The following RNF182 variants were observed in gnomAD, a reference collection of about 807,000 sequenced individuals.
RNF182 encodes the protein ring finger protein 182.
A neutral mutation model predicts 14.4 loss-of-function variants in RNF182; 15 were observed. That is an observed-to-expected ratio of 1.04 (90% CI 0.70 to 1.60). RNF182 has a LOEUF of 1.60. Ranked by LOEUF, RNF182 falls within the 40% of genes most tolerant of loss-of-function variation. The pLI, the probability that RNF182 is intolerant of heterozygous loss-of-function variation, is 0.00. For synonymous variants in RNF182, 128 were observed against 122.9 expected (o/e 1.04, Z -0.27); for missense variants, 268 against 294.8 (o/e 0.91, Z 0.67).
intron 1 of RNF182, among the ~76,000 whole-genome samples, chr6:13,927,973 A>G (rs1391704549): frequency 6.6e-6 from 1 of 152,252 alleles, no homozygotes; most frequent in Non-Finnish European, 1.5e-5. Flanking sequence ...TGCTGTGCAC[A>G]GTGGGTATTT....
chr6:13,964,131 G>T (rs1759953101), intron 1 of RNF182, among the ~76,000 whole-genome samples: 1 of 151,846 alleles, frequency 6.6e-6, no homozygotes, highest in Non-Finnish European at 1.5e-5. Flanking sequence ...AGAAATACAG[G>T]TCTTTGAATT....
At position 13,978,037 on chromosome 6, in the gene RNF182, C is replaced by A; in HGVS notation, c.*174C>A. The A allele has an allele frequency of 1.3e-6, 1 of 752,272 alleles. No homozygotes were observed. The highest frequency in any genetic ancestry group is 2.1e-6 in the Non-Finnish European group (1 of 472,866). The allele number at this position is 752,272 out of a possible 1,614,324, so 46.6% of individuals were successfully genotyped here. A position where few individuals can be genotyped will look rare whatever the true frequency, so the allele number is the denominator to read the frequency against. ...CCTGTAGGCTGGAAGTAAAAATGTT[C>A]ATTTCTACTTAGGGGTTAGCAAAAT... On this transcript the variant is annotated 3_prime_UTR_variant, in exon 3 of 3. Coordinates refer to ENST00000488300, the MANE Select transcript of RNF182 (RefSeq NM_152737.4).
chr6:13,930,191 A>G (rs746293718), intron 1 of RNF182, among the ~76,000 whole-genome samples: 4 of 152,202 alleles, frequency 2.6e-5, no homozygotes, highest in Non-Finnish European at 4.4e-5. Context: ...TGGTATTTAC[A>G]TTGTATTAGG....
chr6:13,951,404 AT>A (rs1408107493), intron 1 of RNF182, among the ~76,000 whole-genome samples: 2 of 152,198 alleles, frequency 1.3e-5, no homozygotes, highest in Non-Finnish European at 2.9e-5. Context: ...GAATTAGCCC[AT>A]CCCCTATGGG....
intron 1 of RNF182, among the ~76,000 whole-genome samples, chr6:13,970,885 G>A (rs1760156826): frequency 6.6e-6 from 1 of 152,100 alleles, no homozygotes; most frequent in Admixed American, 6.6e-5. Context: ...TATAAAAATA[G>A]CCAAAACAGT....
At chr6:13,928,207 T>C (rs1157556067) in intron 1 of RNF182, among the ~76,000 whole-genome samples, 2 of 152,236 alleles carry the variant, frequency 1.3e-5, no homozygotes, top group Non-Finnish European at 2.9e-5. Context: ...TATACAGTAT[T>C]GTACATAATT....
At chr6:13,953,747 C>T (rs1458472007) in intron 1 of RNF182, among the ~76,000 whole-genome samples, 1 of 152,176 alleles carries the variant, frequency 6.6e-6, no homozygotes, top group Non-Finnish European at 1.5e-5. Context: ...TTCCTTAGCA[C>T]TCTGTGGGTC....
In RNF182 at chr6:13,956,911, C is replaced by G. The variant is rs1585041149; in HGVS notation, c.-366-17299C>G. Among the ~76,000 whole-genome samples the G allele has an allele frequency of 2.0e-5, 3 of 152,198 alleles. 1 individual carries two copies. In the East Asian group the frequency reaches 5.8e-4, roughly 29 times the overall value. ...CTATAGTCAGTAACAAGCACCACCC[C>G]CCGCCCCCCACCATACACACACACC... On this transcript the variant is annotated intron_variant, in intron 1 of 2. Coordinates refer to ENST00000488300, the MANE Select transcript of RNF182 (RefSeq NM_152737.4).
chr6:13,931,659 T>C (rs1242022348), intron 1 of RNF182, among the ~76,000 whole-genome samples: 1 of 151,890 alleles, frequency 6.6e-6, no homozygotes, highest in Admixed American at 6.5e-5. Context: ...CTCTTTTTTT[T>C]TTAATGTTCA....
chr6:13,952,579 T>G (rs1165315541), intron 1 of RNF182, among the ~76,000 whole-genome samples: 1 of 152,098 alleles, frequency 6.6e-6, no homozygotes, highest in African/African-American at 2.4e-5. Flanking sequence ...GGCCAATTGG[T>G]GCTGTGCAGA....
intron 1 of RNF182, among the ~76,000 whole-genome samples, chr6:13,963,389 A>G (rs890267237): frequency 1.2e-4 from 19 of 152,126 alleles, no homozygotes; most frequent in Non-Finnish European, 1.8e-4. Flanking sequence ...TTGCTTATCT[A>G]TTGTTACAAA....
chr6:13,956,760 A>G (rs1187981851), intron 1 of RNF182, among the ~76,000 whole-genome samples: 1 of 152,116 alleles, frequency 6.6e-6, no homozygotes, highest in Non-Finnish European at 1.5e-5. Context: ...AAGGATACCA[A>G]CGGCTGAGCT....
chr6:13,960,739 G>A (rs1201630894), intron 1 of RNF182, among the ~76,000 whole-genome samples: 2 of 151,920 alleles, frequency 1.3e-5, no homozygotes, highest in Admixed American at 6.6e-5. Context: ...TACATTTAGT[G>A]AAATAGGCAT....
rs189588495 is a variant in RNF182 at position 13,952,459 on chromosome 6, C to G, written c.-366-21751C>G. 1.3e-3 allele frequency among the ~76,000 whole-genome samples: 204 copies of G among 152,102 alleles called. 2 individuals are homozygous for G. The highest frequency in any genetic ancestry group is 0.012 in the South Asian group (58 of 4,796). ...CCAAAAGAGGCCTTACTGAGAGGAC[C>G]CTCTAACCCCTTACGTCTCGGGAGG... is the stretch of plus-strand genomic sequence containing the variant. On this transcript the variant is annotated intron_variant, in intron 1 of 2. Coordinates refer to ENST00000488300, the MANE Select transcript of RNF182 (RefSeq NM_152737.4).
intron 2 of RNF182, among the ~76,000 whole-genome samples, chr6:13,976,413 T>G (rs1760325790): frequency 6.6e-6 from 1 of 152,228 alleles, no homozygotes; most frequent in South Asian, 2.1e-4. Flanking sequence ...TGCTCTTATC[T>G]CTATCAAAGC....
At chr6:13,952,774 A>T (rs748576343) in intron 1 of RNF182, among the ~76,000 whole-genome samples, 38 of 152,186 alleles carry the variant, frequency 2.5e-4, no homozygotes, top group Non-Finnish European at 5.3e-4. Context: ...AAAGTAAGGG[A>T]ATAAAAAGGT....
intron 1 of RNF182, among the ~76,000 whole-genome samples, chr6:13,931,594 G>C (rs986210411): frequency 6.6e-6 from 1 of 151,912 alleles, no homozygotes; most frequent in African/African-American, 2.4e-5. Flanking sequence ...GAATAGTAAG[G>C]AATAAACCCA....
rs530335206 is a variant in RNF182, at chr6:13,955,181, G to A, written c.-366-19029G>A. Among the ~76,000 whole-genome samples the A allele has an allele frequency of 2.3e-4, 35 of 152,270 alleles. 1 individual carries two copies. In the South Asian group the frequency reaches 4.6e-3, roughly 20 times the overall value. ...TGTAGTAGGAATGCAGCGTTGGACG[G>A]GATGTGCATGAATGGGTACAACTAC... On this transcript the variant is annotated intron_variant, in intron 1 of 2. Coordinates refer to ENST00000488300, the MANE Select transcript of RNF182 (RefSeq NM_152737.4).
intron 1 of RNF182, chr6:13,949,507 A>G: frequency 1.8e-6 from 1 of 552,234 alleles, no homozygotes; most frequent in Non-Finnish European, 3.3e-6. Context: ...GGAAAAAGAC[A>G]CTTGCAAGAA....
Sources: gnomAD v4.1 joint callset for allele counts (sites outside exome capture counted in the v4.1 genomes callset) on GRCh38, gnomAD v4.1.1 for gene constraint, MANE v1.5 for transcripts, NCBI Gene and HGNC (gene_info 2026-07-23, HGNC 2026-07-21) for gene names.